Variants in ITCH observed in about 807,000 individuals in gnomAD.
ITCH encodes the protein itchy E3 ubiquitin protein ligase, also known as E3 ubiquitin-protein ligase Itchy homolog.
A neutral mutation model predicts 126.8 loss-of-function variants in ITCH; 28 were observed. That is an observed-to-expected ratio of 0.22 (90% CI 0.16 to 0.30). The LOEUF (loss-of-function observed/expected upper bound fraction) is 0.30. Among genes scored for constraint, ITCH ranks in the 10% least tolerant of loss-of-function variants. ITCH has a pLI of 1.00. For synonymous variants in ITCH, 342 were observed against 340.0 expected (o/e 1.01, Z -0.06); for missense variants, 631 against 1,032.4 (o/e 0.61, Z 5.33).
chr20:34,385,222 GT>G (rs1186821960), intron 2 of ITCH, among the ~76,000 whole-genome samples: 10 of 85,136 alleles, frequency 1.2e-4, no homozygotes, highest in South Asian at 4.3e-4. Flanking sequence ...TGTGTGTGTG[GT>G]TTTTTTTTTT....
intron 7 of ITCH, among the ~76,000 whole-genome samples, chr20:34,425,852 G>C (rs1981442312): frequency 1.3e-5 from 2 of 152,190 alleles, no homozygotes; most frequent in African/African-American, 4.8e-5. Flanking sequence ...CGCTGGTGTG[G>C]GTCCTCACAC....
chr20:34,466,199 C>T, intron 14 of ITCH: 1 of 287,326 alleles, frequency 3.5e-6, no homozygotes, highest in Non-Finnish European at 6.9e-6. Flanking sequence ...CCCCCTCATT[C>T]TGTTAATGTG....
At chr20:34,419,738 T>C (rs554398705) in intron 6 of ITCH, among the ~76,000 whole-genome samples, 115 of 152,262 alleles carry the variant, frequency 7.6e-4, no homozygotes, top group African/African-American at 2.6e-3. Context: ...CGCTGCAAGC[T>C]CCGCCTTGCC....
chr20:34,438,976 C>T (rs1983393796), intron 8 of ITCH, among the ~76,000 whole-genome samples: 1 of 152,126 alleles, frequency 6.6e-6, no homozygotes, highest in South Asian at 2.1e-4. Context: ...GTTGCTTATT[C>T]CTAGTATATC....
At chr20:34,437,897 G>A (rs1983229663) in intron 7 of ITCH, among the ~76,000 whole-genome samples, 2 of 152,154 alleles carry the variant, frequency 1.3e-5, no homozygotes, top group Admixed American at 6.6e-5. Context: ...TTGCTTTGAA[G>A]AAATGACAGC....
intron 16 of ITCH, among the ~76,000 whole-genome samples, chr20:34,474,666 A>G (rs1322570656): frequency 2.0e-5 from 3 of 152,154 alleles, no homozygotes; most frequent in South Asian, 2.1e-4. Context: ...CCCGTTCTCA[A>G]TGAGCTGTTG....
chr20:34,381,572 G>A (rs1230557855), intron 2 of ITCH, among the ~76,000 whole-genome samples: 3 of 152,114 alleles, frequency 2.0e-5, no homozygotes, highest in Non-Finnish European at 4.4e-5. Context: ...GACTACAGGC[G>A]CACGCCACCA....
chr20:34,384,328 CT>C (rs1293149556), intron 2 of ITCH: 2 of 138,434 alleles, frequency 1.4e-5, no homozygotes, highest in African/African-American at 2.8e-5. Flanking sequence ...GTCGCCCAGG[CT>C]GGAGTGCAGT....
intron 23 of ITCH, among the ~76,000 whole-genome samples, chr20:34,497,702 C>T (rs887935376): frequency 6.6e-6 from 1 of 152,220 alleles, no homozygotes; most frequent in African/African-American, 2.4e-5. Context: ...CCTCAGCCTC[C>T]CAAGTAGCTG....
At chr20:34,406,440 ATTTGATATATG>A (rs1454749422) in intron 3 of ITCH, among the ~76,000 whole-genome samples, 1 of 152,044 alleles carries the variant, frequency 6.6e-6, no homozygotes, top group African/African-American at 2.4e-5. Flanking sequence ...GGATGGAAGT[ATTTGATATATG>A]TAAAGTCAGA....
At chr20:34,491,723 G>A (rs1181058356) in intron 22 of ITCH, among the ~76,000 whole-genome samples, 1 of 152,048 alleles carries the variant, frequency 6.6e-6, no homozygotes, top group Admixed American at 6.6e-5. Flanking sequence ...TTTGGCTGAG[G>A]CAAAACAGTT....
intron 12 of ITCH, among the ~76,000 whole-genome samples, chr20:34,450,604 A>C (rs1985077669): frequency 1.3e-5 from 2 of 152,238 alleles, no homozygotes; most frequent in Non-Finnish European, 2.9e-5. Flanking sequence ...AAAGTTTTGC[A>C]TAGAAGCAAG....
At chr20:34,507,532 TA>T (rs1403043210) in intron 24 of ITCH, among the ~76,000 whole-genome samples, 162 bp from the exon 25 acceptor site, 1 of 152,146 alleles carries the variant, frequency 6.6e-6, no homozygotes, top group East Asian at 1.9e-4. Context: ...GATTTACAAA[TA>T]TTTTTTCCCA....
chr20:34,463,733 T>G (rs868557873), intron 14 of ITCH, among the ~76,000 whole-genome samples: 5 of 152,086 alleles, frequency 3.3e-5, no homozygotes, highest in Non-Finnish European at 7.3e-5. Flanking sequence ...CATATGCTTC[T>G]TGGCTATTTG....
At chr20:34,410,393 AAAAG>A (rs1414227152) in intron 4 of ITCH, among the ~76,000 whole-genome samples, 3 of 152,072 alleles carry the variant, frequency 2.0e-5, no homozygotes, top group Admixed American at 1.3e-4. Context: ...AGAAAAAAAA[AAAAG>A]AATTTATGGA....
intron 16 of ITCH, chr20:34,475,920 T>C (rs1433079037): frequency 8.2e-6 from 10 of 1,217,332 alleles, no homozygotes; most frequent in Non-Finnish European, 1.2e-5. Context: ...CTATTTGTTC[T>C]AGTTCAGGAG....
chr20:34,483,777 AC>A (rs1161885328), intron 20 of ITCH, among the ~76,000 whole-genome samples: 1 of 152,150 alleles, frequency 6.6e-6, no homozygotes, highest in Non-Finnish European at 1.5e-5. Context: ...CTTCAGCAGC[AC>A]CCCACTCCTG....
intron 6 of ITCH, among the ~76,000 whole-genome samples, chr20:34,422,363 A>C (rs957257215): frequency 1.3e-5 from 2 of 152,236 alleles, no homozygotes; most frequent in African/African-American, 4.8e-5. Context: ...TGGTAGACTT[A>C]AATGGATTAT....
chr20:34,487,089 C>CT (rs1293652585), intron 20 of ITCH, among the ~76,000 whole-genome samples: 1 of 149,580 alleles, frequency 6.7e-6, no homozygotes, highest in Non-Finnish European at 1.5e-5. Flanking sequence ...TTGGCTCACT[C>CT]TAAGCTCCGC....
Sources: gnomAD v4.1 joint callset for allele counts (sites outside exome capture counted in the v4.1 genomes callset) on GRCh38, gnomAD v4.1.1 for gene constraint, MANE v1.5 for transcripts, NCBI Gene and HGNC (gene_info 2026-07-23, HGNC 2026-07-21) for gene names.